Variants in ABI1 observed in about 807,000 individuals in gnomAD.
ABI1 encodes the protein abl interactor 1.
A neutral mutation model predicts 54.6 loss-of-function variants in ABI1; 14 were observed. That is an observed-to-expected ratio of 0.26 (90% CI 0.17 to 0.40). The LOEUF (loss-of-function observed/expected upper bound fraction) is 0.40. Among genes scored for constraint, ABI1 ranks in the 10% least tolerant of loss-of-function variants. The probability of loss-of-function intolerance (pLI) is 1.00; values close to 1 mark genes in which losing one functional copy is unlikely to be tolerated. For missense variants in ABI1, 443 were observed against 598.3 expected (o/e 0.74, Z 2.71); for synonymous variants, 194 against 209.3 (o/e 0.93, Z 0.63).
chr10:26,791,707 T>C (rs939000007), intron 2 of ABI1, among the ~76,000 whole-genome samples: 1 of 152,108 alleles, frequency 6.6e-6, no homozygotes, highest in African/African-American at 2.4e-5. Flanking sequence ...AAAAAAATCA[T>C]GCTTATAAGG....
chr10:26,769,411 G>A (rs2132721872), intron 5 of ABI1, among the ~76,000 whole-genome samples: 1 of 152,128 alleles, frequency 6.6e-6, no homozygotes. Flanking sequence ...AATAAATGGA[G>A]ATATACATTC....
Position 26,860,690 on chromosome 10 carries a change from G to C in ABI1, c.117+57C>G, listed in dbSNP as rs2051238907. 1 of 1,407,434 alleles carries C rather than the reference G, an allele frequency of 7.1e-7. No individual in the cohort carries two copies. Among genetic ancestry groups the C allele is most frequent in the Non-Finnish European group, 1.0e-6 (1 of 995,660 alleles). 87.2% of individuals were successfully genotyped at this position (1,407,434 alleles called of 1,614,324 possible). ...GTTCCCCACCCCGCCCAGTGGGCTG[G>C]TCACTCCGGCGGGTCCTCGACCCGG... is the stretch of plus-strand genomic sequence containing the variant. On this transcript the variant is annotated intron_variant, in intron 1 of 10. Coordinates refer to ENST00000376140, the MANE Select transcript of ABI1 (RefSeq NM_001012750.3). The surrounding 1 kb of genome is among the most constrained non-coding windows in gnomAD (Gnocchi z 4.1).
At chr10:26,796,857 A>G (rs578130286) in intron 2 of ABI1, among the ~76,000 whole-genome samples, 1 of 152,334 alleles carries the variant, frequency 6.6e-6, no homozygotes, top group East Asian at 1.9e-4. Context: ...GTTCTACCTC[A>G]GATCATCAGG....
At chr10:26,828,387 T>C (rs796798314) in intron 1 of ABI1, among the ~76,000 whole-genome samples, 2 of 152,292 alleles carry the variant, frequency 1.3e-5, no homozygotes, top group African/African-American at 4.8e-5. Flanking sequence ...ACATGCAAAG[T>C]AAGCACATGC....
intron 2 of ABI1, among the ~76,000 whole-genome samples, chr10:26,804,840 T>C (rs960324356): frequency 3.9e-5 from 6 of 152,178 alleles, no homozygotes; most frequent in African/African-American, 1.4e-4. Context: ...CTTATCAAAC[T>C]ATGTAAATGC....
At chr10:26,849,313 A>G (rs1032785633) in intron 1 of ABI1, among the ~76,000 whole-genome samples, 4 of 151,628 alleles carry the variant, frequency 2.6e-5, no homozygotes, top group Non-Finnish European at 4.4e-5. Flanking sequence ...CCATCCACAG[A>G]AAAAAAAAGA....
rs767715569 is a variant in ABI1 at position 26,748,506 on chromosome 10, T to A, written c.*64A>T. The A allele has an allele frequency of 8.0e-6, 10 of 1,256,910 alleles. No individual in the cohort carries two copies. The highest frequency in any genetic ancestry group is 1.1e-5 in the Non-Finnish European group (10 of 913,342). The allele number at this position is 1,256,910 out of a possible 1,614,324, so 77.9% of individuals were successfully genotyped here. A position where few individuals can be genotyped will look rare whatever the true frequency, so the allele number is the denominator to read the frequency against. ...TTTAAAACATATTAAGACAGTTCTG[T>A]TAACCATAATAGTCCCACAGTATGA... is the stretch of plus-strand genomic sequence containing the variant. On this transcript the variant is annotated 3_prime_UTR_variant, in exon 11 of 11. Transcript: ENST00000376140.
chr10:26,837,818 T>C (rs1341519208), intron 1 of ABI1, among the ~76,000 whole-genome samples: 33,157 of 143,114 alleles, frequency 0.23, 4,516 homozygotes, highest in South Asian at 0.4. Context: ...TTTCCTCATG[T>C]TGCCCAGGCT....
intron 9 of ABI1, among the ~76,000 whole-genome samples, chr10:26,753,203 T>C (rs1837853372): frequency 6.6e-6 from 1 of 152,206 alleles, no homozygotes; most frequent in South Asian, 2.1e-4. Flanking sequence ...AAACCCTATA[T>C]GGTAATGCTC....
chr10:26,834,764 C>T (rs1479810359), intron 1 of ABI1, among the ~76,000 whole-genome samples: 1 of 151,176 alleles, frequency 6.6e-6, no homozygotes, highest in Non-Finnish European at 1.5e-5. Flanking sequence ...GTCAGGAGTT[C>T]GAGACCAGCC....
At chr10:26,766,508 T>G (rs1839971853) in intron 6 of ABI1, among the ~76,000 whole-genome samples, 1 of 152,238 alleles carries the variant, frequency 6.6e-6, no homozygotes, top group Admixed American at 6.5e-5. Context: ...TCTTCTGCAA[T>G]ATGATCATTC....
chr10:26,848,200 C>CAA lies in ABI1; in HGVS notation c.117+12545_117+12546dup, dbSNP rs149066426. Among the ~76,000 whole-genome samples the CAA allele has an allele frequency of 0.011, 861 of 78,358 alleles. 42 individuals carry two copies. In the South Asian group the frequency reaches 0.12, roughly 11 times the overall value. 51.4% of individuals were successfully genotyped at this position (78,358 alleles called of 152,430 possible). A position where few individuals can be genotyped will look rare whatever the true frequency, so the allele number is the denominator to read the frequency against. On this transcript the variant is annotated intron_variant, in intron 1 of 10. Coordinates refer to ENST00000376140, the MANE Select transcript of ABI1 (RefSeq NM_001012750.3). The stretch of plus-strand genomic sequence containing the variant: ...TGGGCAACAGAGCGAGACCCTGTCT[C>CAA]AAAAAAAAAAAAAAAAAAAAAAGAA...
Position 26,764,107 on chromosome 10 carries a change from A to G in ABI1, c.820+1111T>C, listed in dbSNP as rs114533437. 4,938 of 527,136 alleles carry G rather than the reference A, an allele frequency of 9.4e-3. 126 individuals carry two copies. The highest frequency in any genetic ancestry group is 0.069 in the African/African-American group (3,568 of 51,646). 32.7% of individuals were successfully genotyped at this position (527,136 alleles called of 1,614,324 possible). The stretch of plus-strand genomic sequence containing the variant: ...GCTCAAATGAGTATGAATTTTGTAC[A>G]TAAAGAGGCTACCGAGTTTATACCT... On this transcript the variant is annotated intron_variant, in intron 7 of 10. Coordinates refer to ENST00000376140, the MANE Select transcript of ABI1 (RefSeq NM_001012750.3).
chr10:26,853,764 G>A (rs899248770), intron 1 of ABI1, among the ~76,000 whole-genome samples: 15 of 151,836 alleles, frequency 9.9e-5, no homozygotes, highest in African/African-American at 3.6e-4. Flanking sequence ...GGATGGTCTC[G>A]ATCTTCTGAC....
In ABI1 at chr10:26,816,142, T is replaced by C. The variant is rs1487735158; in HGVS notation, c.285+6996A>G. ...ATAGTTGTGCTGCTTCCTTGTCCCC[T>C]AAATGATAAGCCATTGTGACATTTT... On this transcript the variant is annotated intron_variant, in intron 2 of 10. Coordinates refer to ENST00000376140, the MANE Select transcript of ABI1 (RefSeq NM_001012750.3). 5.9e-5 allele frequency among the ~76,000 whole-genome samples: 9 copies of C among 152,152 alleles called. No individual in the cohort carries two copies. The East Asian group carries it at 1.5e-3, about 26-fold the overall frequency.
chr10:26,756,689 C>T (rs1269421862), intron 8 of ABI1, among the ~76,000 whole-genome samples: 1 of 152,058 alleles, frequency 6.6e-6, no homozygotes, highest in Non-Finnish European at 1.5e-5. Context: ...TTTAACAAGA[C>T]AGTAATTGCC....
At chr10:26,767,920 C>A (rs1414745737) in intron 6 of ABI1, among the ~76,000 whole-genome samples, 1 of 151,802 alleles carries the variant, frequency 6.6e-6, no homozygotes, top group Non-Finnish European at 1.5e-5. Flanking sequence ...GTGGCATGCA[C>A]CTGTAATCCC....
intron 2 of ABI1, among the ~76,000 whole-genome samples, chr10:26,801,658 T>C (rs1241094287): frequency 2.6e-5 from 4 of 152,248 alleles, no homozygotes; most frequent in South Asian, 2.1e-4. Flanking sequence ...TTTTGTCCTA[T>C]GCCTGTAACT....
chr10:26,778,070 G>A (rs1841651312), intron 2 of ABI1, among the ~76,000 whole-genome samples: 1 of 151,990 alleles, frequency 6.6e-6, no homozygotes, highest in Non-Finnish European at 1.5e-5. Flanking sequence ...TCAAGAGGTA[G>A]ATATGAAAAA....
Sources: allele counts gnomAD v4.1 joint callset (sites outside exome capture counted in the v4.1 genomes callset), GRCh38; gene constraint gnomAD v4.1.1; non-coding constraint Gnocchi (gnomAD v3.1); transcripts MANE v1.5; gene names NCBI Gene and HGNC (gene_info 2026-07-23, HGNC 2026-07-21).